Variants in RNF220 observed in about 807,000 individuals in gnomAD.
RNF220 encodes the protein ring finger protein 220.
RNF220 carries 7 observed loss-of-function variants against 67.1 expected under a neutral mutation model. That is an observed-to-expected ratio of 0.10 (90% CI 0.06 to 0.20). The LOEUF is 0.20. Among genes scored for constraint, RNF220 ranks in the 10% least tolerant of loss-of-function variants. The pLI, the probability that RNF220 is intolerant of heterozygous loss-of-function variation, is 1.00. For missense variants in RNF220, 565 were observed against 740.3 expected, an observed-to-expected ratio of 0.76 and a Z score of 2.75; for synonymous variants, 270 against 283.2, an observed-to-expected ratio of 0.95 and a Z score of 0.47.
chr1:44,529,348 T>TACACACACACACACACACACAA (rs143407827), intron 2 of RNF220, among the ~76,000 whole-genome samples: 1 of 150,002 alleles, frequency 6.7e-6, no homozygotes, highest in Non-Finnish European at 1.5e-5. Flanking sequence ...AAAAAGGAAT[T>TACACACACACACACACACACAA]ACACACACAC....
intron 5 of RNF220, among the ~76,000 whole-genome samples, chr1:44,629,101 C>G (rs892782193): frequency 3.9e-5 from 6 of 152,220 alleles, no homozygotes; most frequent in Non-Finnish European, 4.4e-5. Context: ...TGTCTTGGCT[C>G]TCTTCCATGT....
At chr1:44,545,211 G>A (rs1359684862) in intron 2 of RNF220, among the ~76,000 whole-genome samples, 1 of 152,248 alleles carries the variant, frequency 6.6e-6, no homozygotes, top group African/African-American at 2.4e-5. Context: ...AGGGAACTCG[G>A]AGATGTGCAG....
At chr1:44,457,630 G>A (rs1050607303) in intron 2 of RNF220, among the ~76,000 whole-genome samples, 3 of 151,980 alleles carry the variant, frequency 2.0e-5, no homozygotes, top group East Asian at 1.9e-4. Context: ...GCAAGGAAGC[G>A]TTATATTTAG....
intron 2 of RNF220, among the ~76,000 whole-genome samples, chr1:44,478,442 C>T (rs1161051807): frequency 6.6e-6 from 1 of 152,078 alleles, no homozygotes; most frequent in Non-Finnish European, 1.5e-5. Flanking sequence ...GGAAGAACTG[C>T]CAGGCGTGGT....
intron 2 of RNF220, among the ~76,000 whole-genome samples, chr1:44,462,292 A>G (rs1426043589): frequency 6.6e-6 from 1 of 152,150 alleles, no homozygotes; most frequent in Non-Finnish European, 1.5e-5. Context: ...TCCTGTGTTT[A>G]TAGTGTATAA....
intron 2 of RNF220, among the ~76,000 whole-genome samples, chr1:44,473,808 T>C (rs1264337499): frequency 2.6e-5 from 4 of 152,212 alleles, no homozygotes; most frequent in African/African-American, 9.6e-5. Context: ...CTGTATATCC[T>C]GTATAAAACA....
chr1:44,625,031 GAGAGA>G (rs1643898549), intron 4 of RNF220, among the ~76,000 whole-genome samples: 1 of 10,298 alleles, frequency 9.7e-5, no homozygotes, highest in Admixed American at 1.0e-3. Flanking sequence ...GAGAATGAGA[GAGAGA>G]GAGAGAGAGA....
At chr1:44,427,847 A>T (rs1649953580) in intron 2 of RNF220, among the ~76,000 whole-genome samples, 1 of 152,196 alleles carries the variant, frequency 6.6e-6, no homozygotes, top group African/African-American at 2.4e-5. Flanking sequence ...AATAAATGTT[A>T]GCTATAATTA....
chr1:44,570,313 C>T (rs183247884), intron 2 of RNF220, among the ~76,000 whole-genome samples: 1 of 152,292 alleles, frequency 6.6e-6, no homozygotes, highest in Admixed American at 6.5e-5. Flanking sequence ...AGCGCTGTCC[C>T]TTTCCCTTGT....
In RNF220 at chr1:44,440,279, G is replaced by A. The variant is rs191336814; in HGVS notation, c.625+27557G>A. On this transcript the variant is annotated intron_variant, in intron 2 of 14. Transcript: ENST00000361799. ...GGTACTGAACCTTTTCATCATTGCA[G>A]AGGGTTCTGTTGGACAGCTCTGTCC... Among the ~76,000 whole-genome samples, 217 of 152,318 alleles carry A rather than the reference G, an allele frequency of 1.4e-3. No homozygotes were observed. In the Middle Eastern group the frequency reaches 0.017, roughly 12 times the overall value.
intron 2 of RNF220, among the ~76,000 whole-genome samples, chr1:44,595,345 C>G (rs570943500): frequency 2.0e-5 from 3 of 152,324 alleles, no homozygotes; most frequent in South Asian, 4.1e-4. Flanking sequence ...TAGGCCACCC[C>G]CTCCAGGACG....
chr1:44,617,227 T>C (rs1388459249), intron 3 of RNF220, among the ~76,000 whole-genome samples: 1 of 152,146 alleles, frequency 6.6e-6, no homozygotes, highest in Non-Finnish European at 1.5e-5. Flanking sequence ...GCCGAAACGC[T>C]GGCGGCGACG....
chr1:44,470,342 G>A (rs1303162395), intron 2 of RNF220, among the ~76,000 whole-genome samples: 1 of 152,218 alleles, frequency 6.6e-6, no homozygotes, highest in Non-Finnish European at 1.5e-5. Flanking sequence ...TCACAGTTCA[G>A]TTTAGAACAT....
At chr1:44,461,142 C>T (rs545737300) in intron 2 of RNF220, among the ~76,000 whole-genome samples, 1 of 152,284 alleles carries the variant, frequency 6.6e-6, no homozygotes, top group Non-Finnish European at 1.5e-5. Context: ...CTAGTCAGTA[C>T]TCAATAAATA....
At chr1:44,534,522 A>G (rs1253466298) in intron 2 of RNF220, among the ~76,000 whole-genome samples, 1 of 152,168 alleles carries the variant, frequency 6.6e-6, no homozygotes, top group Non-Finnish European at 1.5e-5. Context: ...TTGCATCTAA[A>G]TACCAAATAT....
rs915354532 is a variant in RNF220 at position 44,622,959 on chromosome 1, C to T, written c.804+172C>T. On this transcript the variant is annotated intron_variant, in intron 4 of 14. Coordinates refer to ENST00000361799, the MANE Select transcript of RNF220 (RefSeq NM_018150.4). This position sits in a 1 kb window ranked among gnomAD's most constrained non-coding sequence, Gnocchi z 4.3. ...ATCATCCTGAGGCCTAGGGCTGCGC[C>T]GTGTGTGTGTGTAAGTGTGTGTGGT... 6.6e-6 allele frequency among the ~76,000 whole-genome samples: 1 copy of T among 151,872 alleles called. No individual in the cohort carries two copies. The highest frequency in any genetic ancestry group is 2.4e-5 in the African/African-American group (1 of 41,306).
chr1:44,511,461 T>C (rs575015561), intron 2 of RNF220, among the ~76,000 whole-genome samples: 1 of 152,324 alleles, frequency 6.6e-6, no homozygotes, highest in African/African-American at 2.4e-5. Context: ...GAGATTCATC[T>C]TACCTCCTAC....
chr1:44,632,213 G>T, intron 5 of RNF220, 130 bp from the exon 6 acceptor site: 1 of 1,610,148 alleles, frequency 6.2e-7, no homozygotes, highest in Non-Finnish European at 8.5e-7. Context: ...GAGGAAGTAG[G>T]TTTGTTTACG....
intron 2 of RNF220, among the ~76,000 whole-genome samples, chr1:44,498,292 GCA>G (rs1389518620): frequency 6.6e-6 from 1 of 152,070 alleles, no homozygotes; most frequent in East Asian, 1.9e-4. Flanking sequence ...CCAAGCTCCA[GCA>G]CACACAGCCT....
Sources: gnomAD v4.1 joint callset for allele counts (sites outside exome capture counted in the v4.1 genomes callset) on GRCh38, gnomAD v4.1.1 for gene constraint, Gnocchi (gnomAD v3.1) non-coding constraint, MANE v1.5 for transcripts, NCBI Gene and HGNC (gene_info 2026-07-23, HGNC 2026-07-21) for gene names.